Variants in MYRIP observed in about 807,000 individuals in gnomAD.
The protein encoded by MYRIP is myosin VIIA and Rab interacting protein.
MYRIP carries 49 observed loss-of-function variants against 98.0 expected under a neutral mutation model. That is an observed-to-expected ratio of 0.50 (90% confidence interval 0.40 to 0.63). The LOEUF is 0.63. Among genes scored for constraint, MYRIP ranks in the 30% least tolerant of loss-of-function variants. The pLI, the probability that MYRIP is intolerant of heterozygous loss-of-function variation, is 0.00. For synonymous variants in MYRIP, 404 were observed against 409.5 expected (o/e 0.99, Z 0.16); for missense variants, 1,004 against 1,058.2 (o/e 0.95, Z 0.71).
At position 40,251,997 on chromosome 3, in the gene MYRIP, A is replaced by C. The variant is rs1275431256; in HGVS notation, c.2545A>C (p.Met849Leu). The change falls in exon 16 of 17, where the codon ATG (methionine) becomes CTG (leucine). Residue 849 changes from methionine to leucine, a missense_variant and splice_region_variant. By Grantham distance (15) the Met-to-Leu change is conservative. Coordinates refer to ENST00000302541, the MANE Select transcript of MYRIP (RefSeq NM_015460.4). ...KERKGTTKDLMEPALESAVMY is the reference protein window; with the variant it reads ...KERKGTTKDLLEPALESAVMY ...AAGGAAAGGCACCACCAAGGATTTG[A>C]TGGTAAATGTCATCTCTGTCTTAAT... is the stretch of plus-strand genomic sequence containing the variant. 6.3e-7 allele frequency: 1 copy of C among 1,590,954 alleles called. No homozygotes were observed. The highest frequency in any genetic ancestry group is 8.6e-7 in the Non-Finnish European group (1 of 1,158,942).
At position 39,999,364 on chromosome 3, in the gene MYRIP, G is replaced by T. The variant is rs1042798781; in HGVS notation, c.111-44686G>T. ...ACAACCCCATCAACAAGTGGGTGAA[G>T]GATATGAACAGACACTTCTCAAAAG... On this transcript the variant is annotated intron_variant, in intron 2 of 16. Coordinates refer to ENST00000302541, the MANE Select transcript of MYRIP (RefSeq NM_015460.4). 3.0e-4 allele frequency among the ~76,000 whole-genome samples: 45 copies of T among 152,196 alleles called. 1 individual carries two copies. Among genetic ancestry groups the T allele is most frequent in the African/African-American group, 9.7e-4 (40 of 41,440 alleles).
chr3:39,992,955 C>A (rs1946216273), intron 2 of MYRIP, among the ~76,000 whole-genome samples: 1 of 152,140 alleles, frequency 6.6e-6, no homozygotes, highest in Admixed American at 6.6e-5. Context: ...TCTTACTTAT[C>A]TTGGACTCTG....
intron 1 of MYRIP, among the ~76,000 whole-genome samples, chr3:39,859,420 G>A (rs1190837367): frequency 6.6e-6 from 1 of 152,160 alleles, no homozygotes; most frequent in Non-Finnish European, 1.5e-5. Context: ...CAGACTAGAT[G>A]ACTTTAAAGG....
In MYRIP at chr3:40,209,884, A is replaced by G. The variant is rs1178597684; in HGVS notation, c.1696A>G (p.Ser566Gly). 1.2e-6 allele frequency: 2 copies of G among 1,614,046 alleles called. No individual in the cohort carries two copies. Among genetic ancestry groups the G allele is most frequent in the Non-Finnish European group, 1.7e-6 (2 of 1,179,910 alleles). ...GGATGATTTATCAGAGACAGACATC[A>G]GCAATGAGGCTCGGGATCCCCAGAC... ...VSDDLSETDI[S>G]NEARDPQTLT... The change falls in exon 11 of 17, where the codon AGC becomes GGC. Residue 566 changes from serine (S) to glycine (G), a missense_variant. This residue lies in a region of MYRIP where 880 missense variants were observed against 907.7 expected (regional missense o/e 0.97). Transcript: ENST00000302541.
chr3:40,190,012 AG>A lies in MYRIP; in HGVS notation c.1216del (p.Ala406ProfsTer2), dbSNP rs1559442989. The A allele has an allele frequency of 6.2e-7, 1 of 1,614,116 alleles. No homozygotes were observed. The highest frequency in any genetic ancestry group is 1.1e-5 in the South Asian group (1 of 91,084). On this transcript the variant is annotated frameshift_variant, in exon 10 of 17. Coordinates refer to ENST00000302541, the MANE Select transcript of MYRIP (RefSeq NM_015460.4). LOFTEE classifies it high-confidence loss of function. ...AGCGAGGAAGACTTTGACTGGAGTGAGGCCTTGAGCAAGCTGTGTCCCAGGT... is the reference window on the plus strand; with the variant it reads ...AGCGAGGAAGACTTTGACTGGAGTGAGCCTTGAGCAAGCTGTGTCCCAGGT... ...SDSEEDFDWSEALSKLCPRSR... is the reference protein window; with the variant it reads ...SDSEEDFDWSXALSKLCPRSR...
chr3:39,904,814 G>A (rs1438247796), intron 2 of MYRIP, among the ~76,000 whole-genome samples: 4 of 152,140 alleles, frequency 2.6e-5, no homozygotes, highest in Non-Finnish European at 4.4e-5. Context: ...TCAACCCCAT[G>A]TCAGTAAGAT....
At chr3:39,900,543 T>TC (rs1943716919) in intron 1 of MYRIP, among the ~76,000 whole-genome samples, 1 of 87,624 alleles carries the variant, frequency 1.1e-5, no homozygotes, top group South Asian at 3.7e-4. Context: ...TTATAAAGAA[T>TC]TTTTTTTTCT....
rs148673205 is a variant in MYRIP at position 39,967,219 on chromosome 3, T to C, written c.110+66293T>C. Among the ~76,000 whole-genome samples, 63 of 152,272 alleles carry C rather than the reference T, an allele frequency of 4.1e-4. No homozygotes were observed. In the East Asian group the frequency reaches 0.011, roughly 27 times the overall value. The stretch of plus-strand genomic sequence containing the variant: ...TATTAAGCCCAGTACCCAATAGTTA[T>C]CTTTCTGCTCTTCTCCCTCTTCTCA... On this transcript the variant is annotated intron_variant, in intron 2 of 16. Transcript: ENST00000302541.
intron 3 of MYRIP, among the ~76,000 whole-genome samples, chr3:40,146,106 ATTAC>A (rs759669848): frequency 5.3e-5 from 8 of 152,362 alleles, no homozygotes; most frequent in Non-Finnish European, 8.8e-5. Context: ...TATTGTTGTA[ATTAC>A]TTAATCATAG....
chr3:39,929,483 G>T (rs966389996), intron 2 of MYRIP, among the ~76,000 whole-genome samples: 2 of 152,214 alleles, frequency 1.3e-5, no homozygotes, highest in East Asian at 3.9e-4. Flanking sequence ...TCAAGACATT[G>T]TATAGCTACA....
chr3:39,892,837 A>G (rs550327665), intron 1 of MYRIP, among the ~76,000 whole-genome samples: 2 of 152,338 alleles, frequency 1.3e-5, no homozygotes, highest in African/African-American at 4.8e-5. Context: ...GGCATAGATA[A>G]CTTTCTGTAG....
Position 40,166,990 on chromosome 3 carries a change from G to T in MYRIP, c.648+47G>T, listed in dbSNP as rs372555316. 9.9e-5 allele frequency: 149 copies of T among 1,497,850 alleles called. 1 individual carries two copies. The African/African-American group carries it at 1.9e-3, about 19-fold the overall frequency. 92.8% of individuals were successfully genotyped at this position (1,497,850 alleles called of 1,614,324 possible). A position where few individuals can be genotyped will look rare whatever the true frequency, so the allele number is the denominator to read the frequency against. ...TCTGTGGGGGGAGGTGTGGGTTGGG[G>T]TCCTTGCTGCCAGGAGAAAGTGCAG... On this transcript the variant is annotated intron_variant, in intron 6 of 16. Coordinates refer to ENST00000302541, the MANE Select transcript of MYRIP (RefSeq NM_015460.4).
intron 3 of MYRIP, among the ~76,000 whole-genome samples, chr3:40,078,556 A>G (rs1369184914): frequency 6.6e-6 from 1 of 152,210 alleles, no homozygotes; most frequent in East Asian, 1.9e-4. Context: ...TTGGTACCAC[A>G]TTTTAAAATG....
chr3:40,052,229 CT>C (rs1444257658), intron 3 of MYRIP, among the ~76,000 whole-genome samples: 1 of 152,060 alleles, frequency 6.6e-6, no homozygotes, highest in African/African-American at 2.4e-5. Context: ...CGAAATTCTA[CT>C]CTCTACCTCC....
At chr3:40,181,856 T>A (rs538966651) in intron 8 of MYRIP, among the ~76,000 whole-genome samples, 1 of 152,236 alleles carries the variant, frequency 6.6e-6, no homozygotes, top group South Asian at 2.1e-4. Flanking sequence ...CTCTTCAGGT[T>A]TGGAGGTCTT....
Position 40,209,910 on chromosome 3 carries a change from T to G in MYRIP, c.1722T>G (p.Thr574=). Residue 574 remains threonine (T), a synonymous_variant, in exon 11 of 17, where the codon ACT becomes ACG. Coordinates refer to ENST00000302541, the MANE Select transcript of MYRIP (RefSeq NM_015460.4). ...GCAATGAGGCTCGGGATCCCCAGAC[T>G]CTCACAGACACCACAGAGGAGAAAC... is the stretch of plus-strand genomic sequence containing the variant. The part of the protein sequence containing the change: ...DISNEARDPQ[T]LTDTTEEKRR... 1 of 1,613,896 alleles carries G rather than the reference T, an allele frequency of 6.2e-7. No homozygotes were observed. The highest frequency in any genetic ancestry group is 1.1e-5 in the South Asian group (1 of 91,064).
chr3:40,069,122 G>A (rs914063799), intron 3 of MYRIP, among the ~76,000 whole-genome samples: 1 of 152,106 alleles, frequency 6.6e-6, no homozygotes, highest in African/African-American at 2.4e-5. Flanking sequence ...TGGGACAAAA[G>A]GATTGTAGTC....
intron 3 of MYRIP, among the ~76,000 whole-genome samples, chr3:40,101,166 A>C (rs1363360040): frequency 1.3e-5 from 2 of 152,164 alleles, no homozygotes; most frequent in South Asian, 4.1e-4. Context: ...AACACCTCCA[A>C]CACTCAACAC....
Position 39,998,643 on chromosome 3 carries a change from A to C in MYRIP, c.111-45407A>C, listed in dbSNP as rs555466503. ...GATTCAATGCCATCCCCATCAAGCT[A>C]CCAATGACTTTCTTCACAGAATTGG... is the stretch of plus-strand genomic sequence containing the variant. On this transcript the variant is annotated intron_variant, in intron 2 of 16. Transcript: ENST00000302541. Among the ~76,000 whole-genome samples the C allele has an allele frequency of 9.4e-3, 1,422 of 151,898 alleles. 23 individuals are homozygous for C. The highest frequency in any genetic ancestry group is 0.032 in the African/African-American group (1,308 of 41,256).
Sources: gnomAD v4.1 joint callset for allele counts (sites outside exome capture counted in the v4.1 genomes callset) on GRCh38, gnomAD v4.1.1 for gene constraint, gnomAD v4.1.1 regional missense constraint, MANE v1.5 for transcripts, NCBI Gene and HGNC (gene_info 2026-07-23, HGNC 2026-07-21) for gene names.